The following GLIPR1L1 variants were observed in gnomAD, a reference collection of about 807,000 sequenced individuals.
The protein encoded by GLIPR1L1 is GLIPR1 like 1.
In GLIPR1L1, 26 loss-of-function variants were observed where a neutral mutation model predicts 29.9. That is an observed-to-expected ratio of 0.87 (90% CI 0.64 to 1.21). GLIPR1L1 has a LOEUF of 1.21. Ranked by LOEUF, GLIPR1L1 falls within the 50% of genes most tolerant of loss-of-function variation. GLIPR1L1 has a pLI of 0.00. For synonymous variants in GLIPR1L1, 77 were observed against 97.5 expected (o/e 0.79, Z 1.24); for missense variants, 305 against 290.3 (o/e 1.05, Z -0.37).
At position 75,364,651 on chromosome 12, in the gene GLIPR1L1, C is replaced by T. The variant is rs565690407; in HGVS notation, c.610+1461C>T. On this transcript the variant is annotated intron_variant, in intron 4 of 5. Transcript: ENST00000378695. ...AATTAACTTATCTTTAACTTCTATA[C>T]ATTGAGCTGCTGTAATCTTGGTTTT... is the stretch of plus-strand genomic sequence containing the variant. Among the ~76,000 whole-genome samples the T allele has an allele frequency of 3.3e-5, 5 of 152,322 alleles. No homozygotes were observed. The South Asian group carries it at 8.3e-4, about 25-fold the overall frequency.
chr12:75,345,927 G>A (rs2042413546), intron 2 of GLIPR1L1, among the ~76,000 whole-genome samples: 1 of 152,138 alleles, frequency 6.6e-6, no homozygotes, highest in South Asian at 2.1e-4. Context: ...TACACACAAG[G>A]TTAAGTAATT....
At position 75,356,921 on chromosome 12, in the gene GLIPR1L1, G is replaced by A. The variant is rs565602598; in HGVS notation, c.522-6181G>A. ...GAAGGCTACAGTGCTAGGCACAACA[G>A]CAGACACGTAATCCCAACAACTCAA... On this transcript the variant is annotated intron_variant, in intron 3 of 5. Transcript: ENST00000378695. 2.9e-4 allele frequency among the ~76,000 whole-genome samples: 44 copies of A among 152,170 alleles called. 1 individual carries two copies. The South Asian group carries it at 7.5e-3, about 26-fold the overall frequency.
chr12:75,349,598 T>G (rs1184115976), intron 3 of GLIPR1L1, among the ~76,000 whole-genome samples: 1 of 152,208 alleles, frequency 6.6e-6, no homozygotes, highest in African/African-American at 2.4e-5. Context: ...GTACTCTATA[T>G]TTTTAAATGT....
chr12:75,355,403 A>G (rs974097528), intron 3 of GLIPR1L1, among the ~76,000 whole-genome samples: 1 of 152,232 alleles, frequency 6.6e-6, no homozygotes, highest in African/African-American at 2.4e-5. Flanking sequence ...GAGAAATGCA[A>G]ATCAAAATCG....
intron 1 of GLIPR1L1, among the ~76,000 whole-genome samples, chr12:75,335,439 A>G (rs2041662041): frequency 6.6e-6 from 1 of 152,196 alleles, no homozygotes; most frequent in Non-Finnish European, 1.5e-5. Context: ...AATTTACAAA[A>G]TTTTAAATAC....
intron 1 of GLIPR1L1, among the ~76,000 whole-genome samples, chr12:75,338,839 A>G (rs1359476125): frequency 2.3e-4 from 35 of 151,366 alleles, no homozygotes; most frequent in Admixed American, 2.3e-3. Flanking sequence ...CTTATAAGTG[A>G]GAACATGTGG....
chr12:75,341,771 T>G (rs1322545307), intron 1 of GLIPR1L1, among the ~76,000 whole-genome samples: 1 of 144,420 alleles, frequency 6.9e-6, no homozygotes, highest in Non-Finnish European at 1.5e-5. Context: ...TTTTTTTTTT[T>G]GAGATGGAGT....
chr12:75,339,753 C>A (rs1290100502), intron 1 of GLIPR1L1, among the ~76,000 whole-genome samples: 1 of 151,954 alleles, frequency 6.6e-6, no homozygotes, highest in African/African-American at 2.4e-5. Flanking sequence ...CCATCTTGAG[C>A]TAATTTTTGG....
At chr12:75,354,173 G>C (rs578039760) in intron 3 of GLIPR1L1, among the ~76,000 whole-genome samples, 17 of 144,480 alleles carry the variant, frequency 1.2e-4, no homozygotes, top group East Asian at 4.2e-4. Flanking sequence ...AAAAGGGGGG[G>C]GGGTATTCAA....
At position 75,367,648 on chromosome 12, in the gene GLIPR1L1, T is replaced by A. The variant is rs1281982488; in HGVS notation, c.611-2312T>A. Among the ~76,000 whole-genome samples, 3 of 152,168 alleles carry A rather than the reference T, an allele frequency of 2.0e-5. No homozygotes were observed. In the South Asian group the frequency reaches 6.2e-4, roughly 31 times the overall value. Reference sequence around the variant, plus strand: ...CTTAAAAAATTTAAATGCTTTTGTATATTAGTCTATTAACACTTTTACCAA... The same window carrying A: ...CTTAAAAAATTTAAATGCTTTTGTAAATTAGTCTATTAACACTTTTACCAA... On this transcript the variant is annotated intron_variant, in intron 4 of 5. Coordinates refer to ENST00000378695, the MANE Select transcript of GLIPR1L1 (RefSeq NM_001304964.2).
intron 3 of GLIPR1L1, 39 bp from the exon 4 acceptor site, chr12:75,363,063 A>G: frequency 9.3e-7 from 1 of 1,073,782 alleles, no homozygotes; most frequent in Admixed American, 2.4e-5. Flanking sequence ...TGGAGAAATT[A>G]ACAGCCATTT....
At chr12:75,339,690 G>A (rs1378212137) in intron 1 of GLIPR1L1, among the ~76,000 whole-genome samples, 2 of 152,042 alleles carry the variant, frequency 1.3e-5, no homozygotes, top group Non-Finnish European at 2.9e-5. Flanking sequence ...GTATTGCCTA[G>A]ATTTTTCTTC....
At chr12:75,334,936 C>G in intron 1 of GLIPR1L1, 34 bp downstream of exon 1, 1 of 1,577,470 alleles carries the variant, frequency 6.3e-7, no homozygotes, top group Non-Finnish European at 8.7e-7. Context: ...TCTTAAATCC[C>G]TGACTCATCC....
chr12:75,353,212 G>C (rs777760257), intron 3 of GLIPR1L1, among the ~76,000 whole-genome samples: 2 of 152,038 alleles, frequency 1.3e-5, no homozygotes, highest in African/African-American at 2.4e-5. Context: ...CCAGGAGCTG[G>C]CTTTTTGAAA....
chr12:75,365,512 A>C (rs1035971523), intron 4 of GLIPR1L1, among the ~76,000 whole-genome samples: 3 of 152,170 alleles, frequency 2.0e-5, no homozygotes, highest in Admixed American at 1.3e-4. Context: ...CCTTTGAATG[A>C]AACAAACATT....
chr12:75,335,149 AG>A (rs2041637323), intron 1 of GLIPR1L1, among the ~76,000 whole-genome samples: 1 of 152,134 alleles, frequency 6.6e-6, no homozygotes, highest in Admixed American at 6.5e-5. Context: ...AGTGTTTGGA[AG>A]TTGCTTTGTT....
At chr12:75,340,235 A>G (rs926286337) in intron 1 of GLIPR1L1, among the ~76,000 whole-genome samples, 1 of 151,480 alleles carries the variant, frequency 6.6e-6, no homozygotes, top group African/African-American at 2.4e-5. Context: ...CCATATTTTT[A>G]GAACTGCAAA....
intron 3 of GLIPR1L1, among the ~76,000 whole-genome samples, chr12:75,349,668 A>G (rs573255434): frequency 6.6e-6 from 1 of 152,298 alleles, no homozygotes; most frequent in East Asian, 1.9e-4. Flanking sequence ...ATTTTTTAGA[A>G]GTTAAAATTA....
At chr12:75,357,574 T>A (rs893640816) in intron 3 of GLIPR1L1, among the ~76,000 whole-genome samples, 1 of 152,056 alleles carries the variant, frequency 6.6e-6, no homozygotes, top group Admixed American at 6.6e-5. Context: ...CAAGTGTACA[T>A]GAAATATTTA....
Sources: gnomAD v4.1 joint callset for allele counts (sites outside exome capture counted in the v4.1 genomes callset) on GRCh38, gnomAD v4.1.1 for gene constraint, MANE v1.5 for transcripts, NCBI Gene and HGNC (gene_info 2026-07-23, HGNC 2026-07-21) for gene names.